OTOF: variants seen among roughly 807,000 people sequenced by gnomAD.
OTOF encodes fer-1-like family member 2.
A neutral mutation model predicts 236.8 loss-of-function variants in OTOF; 218 were observed. That is an observed-to-expected ratio of 0.92 (90% CI 0.82 to 1.03). The LOEUF is 1.03. OTOF is among the 50% of genes least tolerant of loss of function. The pLI, the probability that OTOF is intolerant of heterozygous loss-of-function variation, is 0.00. For missense variants in OTOF, 2,590 were observed against 2,694.4 expected, an observed-to-expected ratio of 0.96 and a Z score of 0.86; for synonymous variants, 1,041 against 1,072.5, an observed-to-expected ratio of 0.97 and a Z score of 0.57.
At chr2:26,474,748 C>T in intron 25 of OTOF, 74 bp from the exon 26 acceptor site, 2 of 1,539,734 alleles carry the variant, frequency 1.3e-6, no homozygotes, top group Non-Finnish European at 1.8e-6. Context: ...GTCCTTACCA[C>T]AGCGCCATGA....
intron 9 of OTOF, among the ~76,000 whole-genome samples, chr2:26,494,418 T>C (rs772653837): frequency 3.3e-5 from 5 of 152,274 alleles, no homozygotes; most frequent in Non-Finnish European, 7.3e-5. Context: ...CCAAGGGCGA[T>C]GCTGGCACTG....
rs1047977086 is a variant in OTOF, at chr2:26,473,966, G to C, written c.3408+25C>G. 1 of 1,612,536 alleles carries C rather than the reference G, an allele frequency of 6.2e-7. No homozygotes were observed. Among genetic ancestry groups the C allele is most frequent in the African/African-American group, 1.3e-5 (1 of 74,860 alleles). On this transcript the variant is annotated intron_variant, in intron 27 of 46. Coordinates refer to ENST00000272371, the MANE Select transcript of OTOF (RefSeq NM_194248.3). The surrounding 1 kb of genome is among the most constrained non-coding windows in gnomAD (Gnocchi z 7.2). ...GTCCTCAGACTCCTCATCCAAAAGGGAAGGGCCACACAGAGCCCTCGCACC... is the reference window on the plus strand; with the variant it reads ...GTCCTCAGACTCCTCATCCAAAAGGCAAGGGCCACACAGAGCCCTCGCACC...
chr2:26,480,661 T>A, intron 15 of OTOF, 125 bp downstream of exon 15: 1 of 789,414 alleles, frequency 1.3e-6, no homozygotes, highest in Admixed American at 2.0e-5. Context: ...GGAGAAGCCT[T>A]ATCCTGAGGT....
intron 8 of OTOF, among the ~76,000 whole-genome samples, chr2:26,497,736 AG>A (rs1666024386): frequency 6.6e-6 from 1 of 152,230 alleles, no homozygotes. Context: ...GAAGTGACAA[AG>A]GGACGGAAGT....
At chr2:26,459,963 C>A (rs112315768) in intron 46 of OTOF, 45 bp downstream of exon 46, 1 of 1,543,638 alleles carries the variant, frequency 6.5e-7, no homozygotes, top group Non-Finnish European at 8.8e-7. Flanking sequence ...TGTGCACGCG[C>A]CTGCCTAGCC....
chr2:26,557,146 T>C (rs1439935895), intron 1 of OTOF, among the ~76,000 whole-genome samples: 1 of 152,186 alleles, frequency 6.6e-6, no homozygotes, highest in African/African-American at 2.4e-5. Context: ...CCAGGGCCTC[T>C]GGGTAGGTGA....
At chr2:26,504,136 C>A (rs1666190114) in intron 5 of OTOF, among the ~76,000 whole-genome samples, 1 of 152,108 alleles carries the variant, frequency 6.6e-6, no homozygotes, top group South Asian at 2.1e-4. Context: ...CCGGAAAGAG[C>A]CGTTTTAACT....
rs1450282028 is a variant in OTOF, at chr2:26,473,274, CA to C, written c.3590del (p.Leu1197ArgfsTer6). 8.1e-6 allele frequency: 13 copies of C among 1,613,308 alleles called. No homozygotes were observed. The highest frequency in any genetic ancestry group is 1.1e-5 in the Non-Finnish European group (13 of 1,179,866). On this transcript the variant is annotated frameshift_variant, in exon 29 of 47. Coordinates refer to ENST00000272371, the MANE Select transcript of OTOF (RefSeq NM_194248.3). LOFTEE classifies it high-confidence loss of function. The surrounding 1 kb of genome is among the most constrained non-coding windows in gnomAD (Gnocchi z 7.2). Reference sequence around the variant, plus strand: ...CACGGATGTTCAAGGGCGGGTGCAGCAGCTCGTTCTCTGGGAGGTCCTGGGG... The same window carrying C: ...CACGGATGTTCAAGGGCGGGTGCAGCGCTCGTTCTCTGGGAGGTCCTGGGG... ...WFEVDLPENELLHPPLNIRVV... is the reference protein window; with the variant it reads ...WFEVDLPENEXLHPPLNIRVV...
Position 26,461,793 on chromosome 2 carries a change from C to T in OTOF, c.5436G>A (p.Glu1812=). Residue 1812 remains glutamate (E), a synonymous_variant, in exon 43 of 47, where the codon GAG becomes GAA. Transcript: ENST00000272371. The surrounding 1 kb of genome is among the most constrained non-coding windows in gnomAD (Gnocchi z 6.2). ...AEEKIVISKK[E]SMFSWDETEY... ...CGGTCTCGTCCCAGGAGAACATGGA[C>T]TCCTTCTTGGAGATGACGATCTTCT... 3 of 1,614,188 alleles carry T rather than the reference C, an allele frequency of 1.9e-6. No individual in the cohort carries two copies. Among genetic ancestry groups the T allele is most frequent in the Non-Finnish European group, 8.5e-7 (1 of 1,180,030 alleles).
intron 1 of OTOF, among the ~76,000 whole-genome samples, chr2:26,554,151 G>A (rs1029390548): frequency 1.1e-4 from 12 of 113,428 alleles, no homozygotes; most frequent in Admixed American, 1.0e-3. Flanking sequence ...CCAGCCTGGC[G>A]ACAGAGCGAG....
chr2:26,501,620 G>A lies in OTOF; in HGVS notation c.765+134C>T, dbSNP rs773000905. The A allele has an allele frequency of 1.6e-5, 11 of 683,368 alleles. No homozygotes were observed. In the East Asian group the frequency reaches 2.7e-4, roughly 17 times the overall value. The allele number at this position is 683,368 out of a possible 1,614,324, so 42.3% of individuals were successfully genotyped here. On this transcript the variant is annotated intron_variant, in intron 8 of 46. Coordinates refer to ENST00000272371, the MANE Select transcript of OTOF (RefSeq NM_194248.3). Reference sequence around the variant, plus strand: ...GCCTCCCAGGAACAAGCTTACTTTGGGAACTTATATTCAGCTTGTTGTTCT... The same window carrying A: ...GCCTCCCAGGAACAAGCTTACTTTGAGAACTTATATTCAGCTTGTTGTTCT...
intron 2 of OTOF, among the ~76,000 whole-genome samples, chr2:26,529,573 C>T (rs1666891061): frequency 6.6e-6 from 1 of 152,122 alleles, no homozygotes; most frequent in African/African-American, 2.4e-5. Flanking sequence ...TTCTGTGAGC[C>T]CACCCTGCAC....
intron 5 of OTOF, among the ~76,000 whole-genome samples, chr2:26,513,622 C>T (rs1336804344): frequency 6.6e-6 from 1 of 152,196 alleles, no homozygotes; most frequent in Non-Finnish European, 1.5e-5. Flanking sequence ...ACGGGATTTT[C>T]CTCTTGCTCA....
At position 26,457,895 on chromosome 2, in the gene OTOF, C is replaced by T. The variant is rs1419370395; in HGVS notation, c.*343G>A. ...CCTGGGGCAGTGAGGACAGGCGGCC[C>T]CCGCAAGCAGGAGGCAGGCTCGGCC... is the stretch of plus-strand genomic sequence containing the variant. On this transcript the variant is annotated 3_prime_UTR_variant, in exon 47 of 47. Coordinates refer to ENST00000272371, the MANE Select transcript of OTOF (RefSeq NM_194248.3). The surrounding 1 kb of genome is among the most constrained non-coding windows in gnomAD (Gnocchi z 4.4). 11 of 821,436 alleles carry T rather than the reference C, an allele frequency of 1.3e-5. No individual in the cohort carries two copies. Among genetic ancestry groups the T allele is most frequent in the Non-Finnish European group, 1.6e-5 (8 of 515,162 alleles). The allele number at this position is 821,436 out of a possible 1,614,324, so 50.9% of individuals were successfully genotyped here. A position where few individuals can be genotyped will look rare whatever the true frequency, so the allele number is the denominator to read the frequency against.
At chr2:26,474,491 C>A in intron 26 of OTOF, 22 bp downstream of exon 26, 1 of 1,577,306 alleles carries the variant, frequency 6.3e-7, no homozygotes, top group Non-Finnish European at 8.6e-7. Flanking sequence ...CAGGCCTCAG[C>A]CCCTCTTCCC....
intron 1 of OTOF, among the ~76,000 whole-genome samples, chr2:26,554,813 G>A (rs890720664): frequency 6.6e-6 from 1 of 152,184 alleles, no homozygotes; most frequent in Non-Finnish European, 1.5e-5. Flanking sequence ...AAAAGGTGGA[G>A]GGGGATGCCC....
chr2:26,463,956 A>G lies in OTOF; in HGVS notation c.5103+8T>C. On this transcript the variant is annotated splice_region_variant and intron_variant, in intron 40 of 46. Transcript: ENST00000272371. Reference sequence around the variant, plus strand: ...CAAGAACCCCAGTCTTGGCCATGCAAGTGTCACCTGCTCGATGCCCGGCTT... The same window carrying G: ...CAAGAACCCCAGTCTTGGCCATGCAGGTGTCACCTGCTCGATGCCCGGCTT... 1 of 1,613,778 alleles carries G rather than the reference A, an allele frequency of 6.2e-7. No individual in the cohort carries two copies. The highest frequency in any genetic ancestry group is 8.5e-7 in the Non-Finnish European group (1 of 1,179,996).
rs1197817358 is a variant in OTOF at position 26,473,427 on chromosome 2, G to T, written c.3549C>A (p.Thr1183=). Residue 1183 remains threonine, a synonymous_variant, in exon 28 of 47, where the codon ACC becomes ACA. Coordinates refer to ENST00000272371, the MANE Select transcript of OTOF (RefSeq NM_194248.3). This position sits in a 1 kb window ranked among gnomAD's most constrained non-coding sequence, Gnocchi z 7.2. The part of the protein sequence containing the change: ...HNYKKNPNFN[T]LVKWFEVDLP... ...TCACCACTTCAAACCACTTGACGAG[G>T]GTGTTGAAGTTGGGGTTCTTCTTAT... 6.2e-7 allele frequency: 1 copy of T among 1,613,462 alleles called. No homozygotes were observed. Among genetic ancestry groups the T allele is most frequent in the South Asian group, 1.1e-5 (1 of 91,080 alleles).
intron 8 of OTOF, among the ~76,000 whole-genome samples, chr2:26,500,528 G>T (rs1323776093): frequency 6.6e-6 from 1 of 152,112 alleles, no homozygotes; most frequent in Non-Finnish European, 1.5e-5. Context: ...AGGACACTTT[G>T]TGTTTGGGTT....
Sources: gnomAD v4.1 joint callset for allele counts (sites outside exome capture counted in the v4.1 genomes callset) on GRCh38, gnomAD v4.1.1 for gene constraint, Gnocchi (gnomAD v3.1) non-coding constraint, MANE v1.5 for transcripts, NCBI Gene and HGNC (gene_info 2026-07-23, HGNC 2026-07-21) for gene names.